Variants in NEK1 observed in about 807,000 individuals in gnomAD.
NEK1 encodes serine/threonine-protein kinase Nek1.
In NEK1, 137 loss-of-function variants were observed where a neutral mutation model predicts 182.1. That is an observed-to-expected ratio of 0.75 (90% confidence interval 0.65 to 0.87). The LOEUF (loss-of-function observed/expected upper bound fraction) is 0.87. Ranked by LOEUF, NEK1 falls within the 40% of genes least tolerant of loss-of-function variation. The probability of loss-of-function intolerance (pLI) is 0.00; values close to 1 mark genes in which losing one functional copy is unlikely to be tolerated. For synonymous variants in NEK1, 513 were observed against 492.2 expected (o/e 1.04, Z -0.56); for missense variants, 1,391 against 1,494.4 (o/e 0.93, Z 1.14).
At chr4:169,498,234 T>G (rs1294162331) in intron 23 of NEK1, among the ~76,000 whole-genome samples, 5 of 152,134 alleles carry the variant, frequency 3.3e-5, no homozygotes, top group Non-Finnish European at 7.4e-5. Context: ...AACCCCTGCC[T>G]TTTTTTGTTT....
At chr4:169,588,891 A>G (rs550223048) in intron 7 of NEK1, among the ~76,000 whole-genome samples, 156 bp from the exon 8 acceptor site, 2 of 152,286 alleles carry the variant, frequency 1.3e-5, no homozygotes, top group African/African-American at 4.8e-5. Context: ...ACGGTGACTG[A>G]CATACACTGT....
Position 169,493,861 on chromosome 4 carries a change from A to C in NEK1, c.2007+13176T>G, listed in dbSNP as rs567745657. ...AAACAGAAAGTAAGGAAACTGGAAA[A>C]CATATTTCAGGGTATGATTCTGAAA... On this transcript the variant is annotated intron_variant, in intron 23 of 35. Coordinates refer to ENST00000507142, the MANE Select transcript of NEK1 (RefSeq NM_001199397.3). Among the ~76,000 whole-genome samples, 3 of 152,356 alleles carry C rather than the reference A, an allele frequency of 2.0e-5. No individual in the cohort carries two copies. In the South Asian group the frequency reaches 6.2e-4, roughly 32 times the overall value.
chr4:169,512,372 G>T (rs370658926), intron 19 of NEK1, among the ~76,000 whole-genome samples: 4 of 151,850 alleles, frequency 2.6e-5, no homozygotes, highest in African/African-American at 9.7e-5. Context: ...AAATGATTTG[G>T]GTATCTCTTC....
At chr4:169,499,643 C>T (rs1295050019) in intron 23 of NEK1, among the ~76,000 whole-genome samples, 1 of 152,168 alleles carries the variant, frequency 6.6e-6, no homozygotes, top group Non-Finnish European at 1.5e-5. Flanking sequence ...AGCTGCAGGT[C>T]TGTTGGAGTT....
rs1403086755 is a variant in NEK1, at chr4:169,463,191, G to C, written c.2587+52C>G. The C allele has an allele frequency of 1.2e-5, 12 of 1,010,084 alleles. No homozygotes were observed. The East Asian group carries it at 3.7e-4, about 31-fold the overall frequency. 62.6% of individuals were successfully genotyped at this position (1,010,084 alleles called of 1,614,324 possible). On this transcript the variant is annotated intron_variant, in intron 27 of 35. Coordinates refer to ENST00000507142, the MANE Select transcript of NEK1 (RefSeq NM_001199397.3). ...GGAAACATCTTAAAATACATAATTA[G>C]ATTTTTAATAATATTACTTCTAGTA... is the stretch of plus-strand genomic sequence containing the variant.
intron 26 of NEK1, among the ~76,000 whole-genome samples, chr4:169,469,820 T>C (rs1027930927): frequency 2.0e-5 from 3 of 152,342 alleles, no homozygotes; most frequent in Non-Finnish European, 4.4e-5. Flanking sequence ...GGTGCATATA[T>C]ATTTAGGATA....
chr4:169,474,179 G>A (rs900483827), intron 26 of NEK1, among the ~76,000 whole-genome samples: 7 of 152,150 alleles, frequency 4.6e-5, no homozygotes, highest in African/African-American at 1.7e-4. Context: ...AGTGAAAGGT[G>A]AGAAGTAGTT....
chr4:169,535,184 A>G (rs1758274532), intron 19 of NEK1, among the ~76,000 whole-genome samples: 1 of 151,908 alleles, frequency 6.6e-6, no homozygotes, highest in Non-Finnish European at 1.5e-5. Context: ...TTAGCCGGCT[A>G]TGGTGGCACA....
At chr4:169,566,303 T>C (rs189015381) in intron 12 of NEK1, among the ~76,000 whole-genome samples, 32 of 152,328 alleles carry the variant, frequency 2.1e-4, no homozygotes, top group African/African-American at 7.0e-4. Flanking sequence ...GCCTTACATA[T>C]AAGATATTCA....
At chr4:169,534,818 A>G (rs1052536115) in intron 19 of NEK1, among the ~76,000 whole-genome samples, 8 of 152,240 alleles carry the variant, frequency 5.3e-5, no homozygotes, top group African/African-American at 1.9e-4. Context: ...ATCCAACTAC[A>G]AATTACCAGA....
At chr4:169,481,223 TGAA>T (rs573807596) in intron 23 of NEK1, among the ~76,000 whole-genome samples, 1 of 152,334 alleles carries the variant, frequency 6.6e-6, no homozygotes, top group South Asian at 2.1e-4. Context: ...ACTGAAATCT[TGAA>T]GAATGGAGTC....
chr4:169,526,125 TAG>T (rs1756859959), intron 19 of NEK1, among the ~76,000 whole-genome samples: 1 of 152,216 alleles, frequency 6.6e-6, no homozygotes, highest in Admixed American at 6.5e-5. Flanking sequence ...GTCTTCTTGA[TAG>T]AGTTTCCCTA....
intron 18 of NEK1, among the ~76,000 whole-genome samples, chr4:169,544,575 C>A (rs182529965): frequency 1.0e-3 from 141 of 135,042 alleles, no homozygotes; most frequent in African/African-American, 3.7e-3. Context: ...TGGTAGAATT[C>A]GGCTGTGAAT....
chr4:169,445,865 T>TATATATATATATATACACAC (rs569539235), intron 27 of NEK1, among the ~76,000 whole-genome samples: 1 of 143,220 alleles, frequency 7.0e-6, no homozygotes, highest in African/African-American at 2.8e-5. Flanking sequence ...TATATATATA[T>TATATATATATATATACACAC]ACACACACAC....
chr4:169,424,522 A>G, intron 31 of NEK1, 31 bp downstream of exon 31: 1 of 1,536,218 alleles, frequency 6.5e-7, no homozygotes, highest in Non-Finnish European at 8.8e-7. Flanking sequence ...TATCGAATGG[A>G]TAATATTTTC....
At position 169,463,421 on chromosome 4, in the gene NEK1, A is replaced by C. The variant is rs369610499; in HGVS notation, c.2435-26T>G. 19 of 1,547,380 alleles carry C rather than the reference A, an allele frequency of 1.2e-5. No homozygotes were observed. The African/African-American group carries it at 1.6e-4, about 13-fold the overall frequency. On this transcript the variant is annotated intron_variant, in intron 26 of 35. Coordinates refer to ENST00000507142, the MANE Select transcript of NEK1 (RefSeq NM_001199397.3). The stretch of plus-strand genomic sequence containing the variant: ...CTATAAGAAAAATATACAAAGAAAC[A>C]ATTTTCAATAACAGTATAATAATAC...
intron 9 of NEK1, 151 bp downstream of exon 9, chr4:169,587,408 C>T: frequency 2.1e-6 from 1 of 472,382 alleles, no homozygotes; most frequent in Admixed American, 4.2e-5. Flanking sequence ...TCGATTTATA[C>T]TTCAGAAAAA....
intron 32 of NEK1, 69 bp from the exon 33 acceptor site, chr4:169,401,929 T>C: frequency 7.7e-7 from 1 of 1,302,298 alleles, no homozygotes; most frequent in East Asian, 2.4e-5. Flanking sequence ...CAACTAAAAC[T>C]ACCTCATACT....
At chr4:169,454,856 G>C (rs1480844699) in intron 27 of NEK1, among the ~76,000 whole-genome samples, 1 of 152,128 alleles carries the variant, frequency 6.6e-6, no homozygotes, top group South Asian at 2.1e-4. Context: ...TATAAATCAT[G>C]CTCCTTTAAG....
Sources: gnomAD v4.1 joint callset for allele counts (sites outside exome capture counted in the v4.1 genomes callset) on GRCh38, gnomAD v4.1.1 for gene constraint, MANE v1.5 for transcripts, NCBI Gene and HGNC (gene_info 2026-07-23, HGNC 2026-07-21) for gene names.